Variants in ZNF804B observed in about 807,000 individuals in gnomAD.
ZNF804B encodes the protein zinc finger 804B.
ZNF804B carries 80 observed loss-of-function variants against 101.4 expected under a neutral mutation model. That is an observed-to-expected ratio of 0.79 (90% CI 0.66 to 0.95). The LOEUF (loss-of-function observed/expected upper bound fraction) is 0.95. ZNF804B is among the 40% of genes least tolerant of loss of function. The probability of loss-of-function intolerance (pLI) is 0.00; values close to 1 mark genes in which losing one functional copy is unlikely to be tolerated. For synonymous variants in ZNF804B, 622 were observed against 558.8 expected (o/e 1.11, Z -1.59); for missense variants, 1,673 against 1,561.9 (o/e 1.07, Z -1.20).
intron 2 of ZNF804B, among the ~76,000 whole-genome samples, chr7:89,277,258 G>C (rs1450476643): frequency 6.7e-6 from 1 of 149,868 alleles, no homozygotes; most frequent in Non-Finnish European, 1.5e-5. Context: ...AGTATATTTA[G>C]CTTATTAGTC....
At chr7:89,096,572 A>G (rs1168490542) in intron 1 of ZNF804B, among the ~76,000 whole-genome samples, 35 of 152,210 alleles carry the variant, frequency 2.3e-4, no homozygotes, top group Admixed American at 2.3e-3. Context: ...ATTGCTGTCC[A>G]CGTTATTACT....
chr7:88,886,663 A>G (rs1792133065), intron 1 of ZNF804B, among the ~76,000 whole-genome samples: 1 of 151,702 alleles, frequency 6.6e-6, no homozygotes, highest in Non-Finnish European at 1.5e-5. Context: ...AGACGCATAT[A>G]AGATGGCTTT....
At chr7:88,941,122 C>A (rs1793049018) in intron 1 of ZNF804B, among the ~76,000 whole-genome samples, 1 of 151,770 alleles carries the variant, frequency 6.6e-6, no homozygotes, top group African/African-American at 2.4e-5. Flanking sequence ...TAAAAAGTGG[C>A]CAAAAATGTG....
rs148926557 is a variant in ZNF804B at position 89,011,845 on chromosome 7, T to C, written c.109-206310T>C. On this transcript the variant is annotated intron_variant, in intron 1 of 3. Coordinates refer to ENST00000333190, the MANE Select transcript of ZNF804B (RefSeq NM_181646.5). ...CAGTGCAAGCTGTTGGTGGATCTAT[T>C]GTTTTGGGATCTGGATTATGGTGGG... 3.9e-4 allele frequency among the ~76,000 whole-genome samples: 59 copies of C among 152,244 alleles called. 1 individual carries two copies. The East Asian group carries it at 0.01, about 27-fold the overall frequency.
intron 2 of ZNF804B, among the ~76,000 whole-genome samples, chr7:89,276,535 CTGAGATAAATTA>C (rs1789983974): frequency 6.6e-6 from 1 of 151,666 alleles, no homozygotes; most frequent in Admixed American, 6.6e-5. Flanking sequence ...CAGTGGACTT[CTGAGATAAATTA>C]TGAGATAAAT....
chr7:88,809,385 A>G (rs906308084), intron 1 of ZNF804B, among the ~76,000 whole-genome samples: 1 of 151,938 alleles, frequency 6.6e-6, no homozygotes, highest in African/African-American at 2.4e-5. Flanking sequence ...CTACTTACTT[A>G]CCAATCTACC....
intron 1 of ZNF804B, among the ~76,000 whole-genome samples, chr7:88,798,191 C>T (rs1321077063): frequency 6.6e-6 from 1 of 152,044 alleles, no homozygotes; most frequent in African/African-American, 2.4e-5. Flanking sequence ...GTCTTTCTAC[C>T]TTTTACTCCT....
intron 1 of ZNF804B, among the ~76,000 whole-genome samples, chr7:88,896,834 A>G (rs1792291895): frequency 6.6e-6 from 1 of 152,204 alleles, no homozygotes; most frequent in Admixed American, 6.5e-5. Flanking sequence ...CAGAAGTGAG[A>G]AATTTATTTG....
chr7:89,098,400 G>A (rs1382149790), intron 1 of ZNF804B, among the ~76,000 whole-genome samples: 1 of 151,728 alleles, frequency 6.6e-6, no homozygotes, highest in Non-Finnish European at 1.5e-5. Flanking sequence ...AGTCTCCTGA[G>A]TATCTTGGAT....
At chr7:89,318,677 T>A (rs567793301) in intron 2 of ZNF804B, among the ~76,000 whole-genome samples, 2 of 152,142 alleles carry the variant, frequency 1.3e-5, no homozygotes, top group Non-Finnish European at 2.9e-5. Context: ...GCAGGAGAAT[T>A]GCTTGAACTC....
chr7:89,096,348 T>C (rs1789972338), intron 1 of ZNF804B, among the ~76,000 whole-genome samples: 1 of 151,958 alleles, frequency 6.6e-6, no homozygotes, highest in South Asian at 2.1e-4. Flanking sequence ...GAAAGTTTAA[T>C]AGGTAGAGAA....
intron 1 of ZNF804B, among the ~76,000 whole-genome samples, chr7:89,147,428 A>C (rs746918150): frequency 9.2e-5 from 14 of 152,120 alleles, no homozygotes; most frequent in South Asian, 6.2e-4. Context: ...AAGTGATCTA[A>C]TATTACAGAT....
intron 1 of ZNF804B, among the ~76,000 whole-genome samples, chr7:89,019,160 A>G (rs73385172): frequency 0.029 from 4,406 of 152,154 alleles, 228 homozygotes; most frequent in African/African-American, 0.1. Flanking sequence ...GCTGCATCCC[A>G]TAAGTTTTGG....
intron 1 of ZNF804B, among the ~76,000 whole-genome samples, chr7:89,136,519 C>G (rs1339033583): frequency 6.6e-6 from 1 of 151,970 alleles, no homozygotes. Flanking sequence ...CAATAATTCC[C>G]CTGCCACCTT....
At chr7:89,192,552 C>T (rs1050289117) in intron 1 of ZNF804B, among the ~76,000 whole-genome samples, 1 of 151,892 alleles carries the variant, frequency 6.6e-6, no homozygotes, top group African/African-American at 2.4e-5. Flanking sequence ...CCTATAGCGA[C>T]TTATTGTTTT....
intron 1 of ZNF804B, among the ~76,000 whole-genome samples, chr7:88,777,460 C>T (rs866992088): frequency 2.0e-5 from 3 of 152,180 alleles, no homozygotes; most frequent in Admixed American, 6.5e-5. Context: ...TACAGGCATG[C>T]AGTCCCAGAG....
intron 1 of ZNF804B, among the ~76,000 whole-genome samples, chr7:88,881,296 C>T (rs772160853): frequency 1.3e-5 from 2 of 152,064 alleles, no homozygotes; most frequent in Non-Finnish European, 2.9e-5. Flanking sequence ...AAAAGAATTT[C>T]AGTCTGTACT....
rs748808836 is a variant in ZNF804B, at chr7:89,334,925, T to C, written c.1943T>C (p.Phe648Ser). 1.1e-5 allele frequency: 17 copies of C among 1,613,886 alleles called. No individual in the cohort carries two copies. The highest frequency in any genetic ancestry group is 3.3e-5 in the Admixed American group (2 of 59,930). Reference protein sequence around the residue: ...KLIPCSPHLEFEDERQFNCKS... With the variant: ...KLIPCSPHLESEDERQFNCKS... Reference sequence around the variant, plus strand: ...ATTCCCTGCAGTCCTCATTTGGAATTTGAAGATGAAAGACAATTCAACTGC... The same window carrying C: ...ATTCCCTGCAGTCCTCATTTGGAATCTGAAGATGAAAGACAATTCAACTGC... The change falls in exon 4 of 4, where the codon TTT (phenylalanine) becomes TCT (serine). Residue 648 changes from phenylalanine (F) to serine (S), a missense_variant. Coordinates refer to ENST00000333190, the MANE Select transcript of ZNF804B (RefSeq NM_181646.5).
intron 1 of ZNF804B, among the ~76,000 whole-genome samples, chr7:88,983,794 C>T (rs188189866): frequency 7.9e-5 from 12 of 151,980 alleles, no homozygotes; most frequent in Admixed American, 3.9e-4. Flanking sequence ...TGTTGATTGG[C>T]ACCGTTCATC....
Sources: gnomAD v4.1 joint callset for allele counts (sites outside exome capture counted in the v4.1 genomes callset) on GRCh38, gnomAD v4.1.1 for gene constraint, MANE v1.5 for transcripts, NCBI Gene and HGNC (gene_info 2026-07-23, HGNC 2026-07-21) for gene names.